SAMD4A: variants seen among roughly 807,000 people sequenced by gnomAD.
SAMD4A encodes the protein sterile alpha motif domain containing 4A.
Under a neutral mutation model 81.3 loss-of-function variants are expected in SAMD4A, and 33 were observed. The ratio of observed to expected loss-of-function variants is 0.41; its 90% CI spans 0.31 to 0.54. SAMD4A has a LOEUF of 0.54. Ranked by LOEUF, SAMD4A falls within the 20% of genes least tolerant of loss-of-function variation. SAMD4A has a pLI of 0.37. For missense variants in SAMD4A, 854 were observed against 951.1 expected, an observed-to-expected ratio of 0.90 and a Z score of 1.34; for synonymous variants, 389 against 382.1, an observed-to-expected ratio of 1.02 and a Z score of -0.21.
At chr14:54,724,406 G>A (rs190912688) in intron 3 of SAMD4A, among the ~76,000 whole-genome samples, 5 of 152,312 alleles carry the variant, frequency 3.3e-5, no homozygotes, top group Admixed American at 3.3e-4. Context: ...GGTGGGAAGA[G>A]GGTAATGGTA....
At chr14:54,625,491 G>A (rs905907459) in intron 2 of SAMD4A, among the ~76,000 whole-genome samples, 1 of 152,218 alleles carries the variant, frequency 6.6e-6, no homozygotes, top group Non-Finnish European at 1.5e-5. Context: ...TCCAGAACCT[G>A]GCAAAGCCAT....
chr14:54,725,801 G>A (rs2037400160), intron 3 of SAMD4A, among the ~76,000 whole-genome samples: 1 of 152,192 alleles, frequency 6.6e-6, no homozygotes, highest in African/African-American at 2.4e-5. Context: ...TTTAGGTACG[G>A]AAGTACAGAA....
chr14:54,575,294 G>A (rs1311898357), intron 2 of SAMD4A, among the ~76,000 whole-genome samples: 1 of 152,144 alleles, frequency 6.6e-6, no homozygotes, highest in Non-Finnish European at 1.5e-5. Flanking sequence ...TCTTTCTCCT[G>A]TCTCAACCCC....
At chr14:54,724,015 A>T (rs937715087) in intron 3 of SAMD4A, among the ~76,000 whole-genome samples, 4 of 141,452 alleles carry the variant, frequency 2.8e-5, no homozygotes, top group South Asian at 2.3e-4. Flanking sequence ...GATGGAAGGA[A>T]GGAAGGAAGG....
At chr14:54,764,618 C>A in intron 8 of SAMD4A, 78 bp downstream of exon 8, 1 of 942,938 alleles carries the variant, frequency 1.1e-6, no homozygotes, top group South Asian at 1.5e-5. Context: ...GTGATGTGAT[C>A]ATTTTAGCCT....
intron 10 of SAMD4A, 46 bp from the exon 11 acceptor site, chr14:54,776,368 C>T: frequency 6.4e-7 from 1 of 1,563,244 alleles, no homozygotes; most frequent in African/African-American, 1.4e-5. Flanking sequence ...GCTCTCCACC[C>T]CAGTGGGGCT....
chr14:54,741,248 A>T (rs1445054951), intron 4 of SAMD4A, among the ~76,000 whole-genome samples: 1 of 152,198 alleles, frequency 6.6e-6, no homozygotes, highest in Non-Finnish European at 1.5e-5. Flanking sequence ...TCAGGTGGCC[A>T]AGAAAAAGAG....
chr14:54,714,165 C>G (rs1312001049), intron 3 of SAMD4A, among the ~76,000 whole-genome samples: 2 of 152,150 alleles, frequency 1.3e-5, no homozygotes, highest in Non-Finnish European at 2.9e-5. Flanking sequence ...ACAGGTTGCT[C>G]TATGTCTTTC....
intron 2 of SAMD4A, among the ~76,000 whole-genome samples, chr14:54,654,161 A>C (rs1044147409): frequency 1.3e-5 from 2 of 152,226 alleles, no homozygotes; most frequent in African/African-American, 4.8e-5. Flanking sequence ...ACTATGACAT[A>C]TAATACCCAA....
chr14:54,577,004 A>C (rs1283633385), intron 2 of SAMD4A, among the ~76,000 whole-genome samples: 1 of 152,236 alleles, frequency 6.6e-6, no homozygotes, highest in Non-Finnish European at 1.5e-5. Context: ...GATCCCAGGC[A>C]ACAGGAGAAG....
chr14:54,759,959 A>C (rs141990752), intron 6 of SAMD4A, among the ~76,000 whole-genome samples: 1 of 152,104 alleles, frequency 6.6e-6, no homozygotes, highest in African/African-American at 2.4e-5. Flanking sequence ...TCCTCGCTAT[A>C]CCTGTCTGTA....
chr14:54,645,788 C>T (rs2035274545), intron 2 of SAMD4A, among the ~76,000 whole-genome samples: 1 of 152,224 alleles, frequency 6.6e-6, no homozygotes, highest in Non-Finnish European at 1.5e-5. Flanking sequence ...GAATACTTCT[C>T]TGTTTCCCTC....
Position 54,727,166 on chromosome 14 carries a change from C to CTTTTTTTTTTTT in SAMD4A, c.716-9828_716-9817dup, listed in dbSNP as rs567831973. On this transcript the variant is annotated intron_variant, in intron 3 of 12. Coordinates refer to ENST00000554335, the MANE Select transcript of SAMD4A (RefSeq NM_015589.6). ...TTATCACAACAGCCTTCTTTTTTTC[C>CTTTTTTTTTTTT]TTTTTTTTTTTTTTTTTTTTTTTTT... 2.1e-3 allele frequency among the ~76,000 whole-genome samples: 125 copies of CTTTTTTTTTTTT among 59,180 alleles called. 33 individuals are homozygous for CTTTTTTTTTTTT. Among genetic ancestry groups the CTTTTTTTTTTTT allele is most frequent in the Non-Finnish European group, 3.2e-3 (95 of 29,778 alleles). 38.8% of individuals were successfully genotyped at this position (59,180 alleles called of 152,430 possible).
At chr14:54,731,644 T>C (rs974270364) in intron 3 of SAMD4A, among the ~76,000 whole-genome samples, 1 of 152,194 alleles carries the variant, frequency 6.6e-6, no homozygotes, top group African/African-American at 2.4e-5. Context: ...ATTTGAAAAT[T>C]TAATGAAGCG....
intron 2 of SAMD4A, among the ~76,000 whole-genome samples, chr14:54,606,722 T>G (rs537281213): frequency 6.6e-6 from 1 of 152,238 alleles, no homozygotes; most frequent in Non-Finnish European, 1.5e-5. Flanking sequence ...ACTCAGAGAA[T>G]TCTTAATTTA....
intron 5 of SAMD4A, among the ~76,000 whole-genome samples, chr14:54,750,236 C>G (rs2038069294): frequency 6.6e-6 from 1 of 152,188 alleles, no homozygotes; most frequent in Non-Finnish European, 1.5e-5. Flanking sequence ...ATTTAATTCA[C>G]TAGAACCCAA....
chr14:54,590,000 T>C (rs191672936), intron 2 of SAMD4A, among the ~76,000 whole-genome samples: 4 of 152,352 alleles, frequency 2.6e-5, no homozygotes, highest in African/African-American at 7.2e-5. Flanking sequence ...AACCGTATGC[T>C]AGAACGTAAG....
At chr14:54,594,450 A>G (rs1343170747) in intron 2 of SAMD4A, among the ~76,000 whole-genome samples, 2 of 152,168 alleles carry the variant, frequency 1.3e-5, no homozygotes, top group South Asian at 2.1e-4. Flanking sequence ...TAAAATTGCA[A>G]GTGTTAATTA....
chr14:54,607,940 C>T (rs558370648), intron 2 of SAMD4A, among the ~76,000 whole-genome samples: 5 of 148,042 alleles, frequency 3.4e-5, no homozygotes, highest in Admixed American at 2.1e-4. Context: ...CACTTGAACC[C>T]GGGAGGCAGA....
Sources: allele counts gnomAD v4.1 joint callset (sites outside exome capture counted in the v4.1 genomes callset), GRCh38; gene constraint gnomAD v4.1.1; transcripts MANE v1.5; gene names NCBI Gene and HGNC (gene_info 2026-07-23, HGNC 2026-07-21).